NLGN1: variants seen among roughly 807,000 people sequenced by gnomAD.
NLGN1 encodes the protein neuroligin 1.
A neutral mutation model predicts 65.5 loss-of-function variants in NLGN1; 12 were observed. The observed-to-expected ratio is 0.18, with a 90% confidence interval of 0.12 to 0.30. The LOEUF is 0.30. NLGN1 is among the 10% of genes least tolerant of loss of function. The pLI is 1.00. For missense variants in NLGN1, 750 were observed against 1,007.1 expected, an observed-to-expected ratio of 0.74 and a Z score of 3.46; for synonymous variants, 350 against 359.5, an observed-to-expected ratio of 0.97 and a Z score of 0.30.
chr3:173,541,739 A>G (rs1021302128), intron 2 of NLGN1, among the ~76,000 whole-genome samples: 6 of 152,126 alleles, frequency 3.9e-5, no homozygotes, highest in African/African-American at 9.6e-5. Flanking sequence ...CATTACTTCA[A>G]AAGTTTTGTC....
At chr3:173,560,432 G>T (rs943816432) in intron 2 of NLGN1, among the ~76,000 whole-genome samples, 1 of 151,996 alleles carries the variant, frequency 6.6e-6, no homozygotes, top group African/African-American at 2.4e-5. Context: ...AAAGGCAGAA[G>T]AAAACAAGGG....
chr3:173,752,642 A>G (rs1776472047), intron 3 of NLGN1, among the ~76,000 whole-genome samples: 1 of 152,044 alleles, frequency 6.6e-6, no homozygotes, highest in Non-Finnish European at 1.5e-5. Flanking sequence ...CTCTTTCTGG[A>G]ACTTGATTGT....
At chr3:173,668,124 C>T (rs1761968087) in intron 3 of NLGN1, among the ~76,000 whole-genome samples, 1 of 152,080 alleles carries the variant, frequency 6.6e-6, no homozygotes, top group East Asian at 1.9e-4. Flanking sequence ...ATAATATGAT[C>T]ATTTAAATAC....
At chr3:174,187,244 T>C (rs1731578678) in intron 4 of NLGN1, among the ~76,000 whole-genome samples, 1 of 151,972 alleles carries the variant, frequency 6.6e-6, no homozygotes, top group Admixed American at 6.6e-5. Context: ...TAGAGCAGCC[T>C]TGGATTTGTA....
intron 3 of NLGN1, among the ~76,000 whole-genome samples, chr3:173,611,062 G>GA (rs1238272183): frequency 6.6e-6 from 1 of 151,988 alleles, no homozygotes; most frequent in East Asian, 1.9e-4. Flanking sequence ...AACGTGGGTA[G>GA]AAAAATTAGT....
chr3:174,255,715 A>G (rs1363154185), intron 4 of NLGN1, among the ~76,000 whole-genome samples: 3 of 150,988 alleles, frequency 2.0e-5, no homozygotes, highest in African/African-American at 4.9e-5. Context: ...CCGGAGTGCA[A>G]TAGTGTGATC....
intron 2 of NLGN1, among the ~76,000 whole-genome samples, chr3:173,544,901 G>A (rs538090527): frequency 1.3e-5 from 2 of 152,046 alleles, no homozygotes. Context: ...CAAAAACCAG[G>A]AAGAGAAATT....
At chr3:174,198,153 T>G (rs1437518554) in intron 4 of NLGN1, among the ~76,000 whole-genome samples, 1 of 152,176 alleles carries the variant, frequency 6.6e-6, no homozygotes, top group Admixed American at 6.5e-5. Context: ...ACCTTTAGGT[T>G]GGTAAGTAAT....
intron 2 of NLGN1, among the ~76,000 whole-genome samples, chr3:173,548,016 C>T (rs1237058422): frequency 6.6e-6 from 1 of 152,046 alleles, no homozygotes; most frequent in African/African-American, 2.4e-5. Context: ...TCATTTTCTC[C>T]CACTATAATA....
intron 3 of NLGN1, among the ~76,000 whole-genome samples, chr3:173,724,134 C>G (rs928740847): frequency 1.3e-5 from 2 of 152,112 alleles, no homozygotes; most frequent in African/African-American, 4.8e-5. Context: ...GAGTAGGTGA[C>G]TAGAAAATGA....
chr3:174,025,572 A>G (rs1329464922), intron 4 of NLGN1, among the ~76,000 whole-genome samples: 2 of 152,182 alleles, frequency 1.3e-5, no homozygotes, highest in African/African-American at 2.4e-5. Context: ...AGGATGCAGA[A>G]AGTTAAGCCC....
chr3:173,695,359 A>G (rs997470529), intron 3 of NLGN1, among the ~76,000 whole-genome samples: 6 of 152,090 alleles, frequency 3.9e-5, no homozygotes, highest in Admixed American at 6.5e-5. Context: ...AAAAAACAAA[A>G]CATTTTTATG....
At chr3:173,847,736 G>T (rs1354691949) in intron 4 of NLGN1, among the ~76,000 whole-genome samples, 1 of 152,162 alleles carries the variant, frequency 6.6e-6, no homozygotes, top group Non-Finnish European at 1.5e-5. Context: ...GCCAGGTGTG[G>T]TGGCATGCGC....
At chr3:173,843,567 A>G (rs1051955035) in intron 4 of NLGN1, among the ~76,000 whole-genome samples, 12 of 152,158 alleles carry the variant, frequency 7.9e-5, no homozygotes, top group African/African-American at 2.7e-4. Flanking sequence ...CTCAAGTTCA[A>G]AGTTTCACAA....
chr3:173,738,152 T>A (rs1419400359), intron 3 of NLGN1, among the ~76,000 whole-genome samples: 1 of 152,018 alleles, frequency 6.6e-6, no homozygotes, highest in Non-Finnish European at 1.5e-5. Context: ...GACACAAGTC[T>A]TTTATGAGAT....
At chr3:174,153,352 G>C (rs1724762433) in intron 4 of NLGN1, among the ~76,000 whole-genome samples, 1 of 152,058 alleles carries the variant, frequency 6.6e-6, no homozygotes, top group Non-Finnish European at 1.5e-5. Flanking sequence ...CCTTAGGTTT[G>C]AAACAAACGT....
chr3:173,539,896 TG>T (rs1560408398), intron 2 of NLGN1, among the ~76,000 whole-genome samples: 2 of 146,542 alleles, frequency 1.4e-5, no homozygotes, highest in African/African-American at 5.1e-5. Context: ...GTTATATATA[TG>T]TTATAAATGT....
chr3:174,230,211 A>G (rs774739907), intron 4 of NLGN1, among the ~76,000 whole-genome samples: 10 of 152,204 alleles, frequency 6.6e-5, no homozygotes, highest in Non-Finnish European at 1.2e-4. Flanking sequence ...GAAAAAGCAC[A>G]ACTTGAAACT....
rs545980881 is a variant in NLGN1 at position 173,832,386 on chromosome 3, T to G, written c.646+24554T>G. ...GGAAAACTTTCCTTATATTAACTAT[T>G]GAATTTATTGTTTTTGGATAATACA... On this transcript the variant is annotated intron_variant, in intron 4 of 6. Transcript: ENST00000457714. 2.0e-5 allele frequency among the ~76,000 whole-genome samples: 3 copies of G among 152,356 alleles called. No homozygotes were observed. The East Asian group carries it at 5.8e-4, about 29-fold the overall frequency.
Sources: allele counts gnomAD v4.1 joint callset (sites outside exome capture counted in the v4.1 genomes callset), GRCh38; gene constraint gnomAD v4.1.1; transcripts MANE v1.5; gene names NCBI Gene and HGNC (gene_info 2026-07-23, HGNC 2026-07-21).